MEIKIN: variants seen among roughly 807,000 people sequenced by gnomAD.
The protein encoded by MEIKIN is meiotic kinetochore factor.
At chr5:131,895,374 C>G (rs1276824686) in intron 8 of MEIKIN, among the ~76,000 whole-genome samples, 1 of 152,118 alleles carries the variant, frequency 6.6e-6, no homozygotes, top group Non-Finnish European at 1.5e-5. Flanking sequence ...CTCTGCCAGG[C>G]TTTGGTATCA....
At chr5:131,822,695 TAACTC>T (rs1258568043) in intron 11 of MEIKIN, among the ~76,000 whole-genome samples, 2 of 152,224 alleles carry the variant, frequency 1.3e-5, no homozygotes, top group African/African-American at 4.8e-5. Flanking sequence ...TGTTTCTACT[TAACTC>T]AAGAGAAGTT....
chr5:131,850,082 T>A (rs140625754), intron 11 of MEIKIN, among the ~76,000 whole-genome samples: 2 of 150,018 alleles, frequency 1.3e-5, no homozygotes, highest in African/African-American at 4.9e-5. Flanking sequence ...TAAATTACAA[T>A]TCAATTCATA....
chr5:131,836,707 GTGTC>G (rs1171757134), intron 11 of MEIKIN, among the ~76,000 whole-genome samples: 2 of 149,374 alleles, frequency 1.3e-5, no homozygotes, highest in African/African-American at 4.9e-5. Context: ...CTTCTTAAAA[GTGTC>G]TGTGCATGTC....
At chr5:131,924,998 T>G (rs993261652) in intron 5 of MEIKIN, among the ~76,000 whole-genome samples, 1 of 152,232 alleles carries the variant, frequency 6.6e-6, no homozygotes, top group Non-Finnish European at 1.5e-5. Context: ...AATTTTTGTG[T>G]ATGGGTGTCA....
chr5:131,826,845 G>A, intron 11 of MEIKIN, among the ~76,000 whole-genome samples: 1 of 152,152 alleles, frequency 6.6e-6, no homozygotes. Flanking sequence ...AGAACAGTGA[G>A]TCAATTAAAC....
rs147035812 is a variant in MEIKIN, at chr5:131,835,531, G to A, written c.975+15733C>T. 1.0e-3 allele frequency among the ~76,000 whole-genome samples: 158 copies of A among 152,008 alleles called. 1 individual carries two copies. Among genetic ancestry groups the A allele is most frequent in the African/African-American group, 3.6e-3 (151 of 41,502 alleles). ...CATTTAAGTCTTTAATCCATTTTGA[G>A]TTAATTTTTCTATATGGTGTACTTC... On this transcript the variant is annotated intron_variant, in intron 11 of 12. Coordinates refer to ENST00000442687, the MANE Select transcript of MEIKIN (RefSeq NM_001303622.2).
At chr5:131,913,400 C>G (rs574313054) in intron 7 of MEIKIN, among the ~76,000 whole-genome samples, 1 of 152,310 alleles carries the variant, frequency 6.6e-6, no homozygotes, top group Admixed American at 6.5e-5. Context: ...TTCCAAAGCA[C>G]CTAACAGACC....
intron 4 of MEIKIN, among the ~76,000 whole-genome samples, chr5:131,934,499 C>A (rs1478002250): frequency 2.6e-5 from 4 of 152,016 alleles, no homozygotes; most frequent in African/African-American, 9.7e-5. Context: ...TGTGCTGGAA[C>A]AACTAGGTAT....
chr5:131,945,067 G>C (rs1161306167), intron 2 of MEIKIN, 89 bp downstream of exon 2: 1 of 398,824 alleles, frequency 2.5e-6, no homozygotes, highest in Non-Finnish European at 4.4e-6. Context: ...CTCCTTGACT[G>C]TTAGAATAAA....
At chr5:131,910,284 T>G (rs898354554) in intron 8 of MEIKIN, among the ~76,000 whole-genome samples, 1 of 152,118 alleles carries the variant, frequency 6.6e-6, no homozygotes, top group Non-Finnish European at 1.5e-5. Context: ...TGAATGAAAC[T>G]GAAGGTCATT....
chr5:131,901,904 T>G (rs1158247630), intron 8 of MEIKIN, among the ~76,000 whole-genome samples: 1 of 152,130 alleles, frequency 6.6e-6, no homozygotes, highest in Non-Finnish European at 1.5e-5. Context: ...GTCATGAGAT[T>G]TAGAAGTGGG....
Position 131,895,652 on chromosome 5 carries a change from A to C in MEIKIN, c.703+16163T>G, listed in dbSNP as rs545110794. Among the ~76,000 whole-genome samples, 173 of 152,124 alleles carry C rather than the reference A, an allele frequency of 1.1e-3. 5 individuals carry two copies. Among genetic ancestry groups the C allele is most frequent in the Non-Finnish European group, 1.0e-3 (69 of 67,956 alleles). Reference sequence around the variant, plus strand: ...GTGTCCAGGAATTTATCCATTTCTTATAGATTTTCTAGTTTATTTGCATAG... The same window carrying C: ...GTGTCCAGGAATTTATCCATTTCTTCTAGATTTTCTAGTTTATTTGCATAG... On this transcript the variant is annotated intron_variant, in intron 8 of 12. Coordinates refer to ENST00000442687, the MANE Select transcript of MEIKIN (RefSeq NM_001303622.2).
intron 6 of MEIKIN, among the ~76,000 whole-genome samples, chr5:131,919,335 A>G (rs1051257300): frequency 2.0e-5 from 3 of 152,188 alleles, no homozygotes; most frequent in Non-Finnish European, 2.9e-5. Context: ...CAATAAAATG[A>G]TATATGCACT....
At chr5:131,885,355 G>A (rs1485218973) in intron 8 of MEIKIN, among the ~76,000 whole-genome samples, 1 of 10,300 alleles carries the variant, frequency 9.7e-5, no homozygotes, top group Non-Finnish European at 2.4e-4. Flanking sequence ...GAGAGAGAGA[G>A]AGAGAGAGAG....
chr5:131,885,341 AAGAG>A (rs57363906), intron 8 of MEIKIN, among the ~76,000 whole-genome samples: 1 of 61,956 alleles, frequency 1.6e-5, no homozygotes, highest in Non-Finnish European at 2.7e-5. Flanking sequence ...TCAGAACTGA[AAGAG>A]AGAGAGAGAG....
intron 5 of MEIKIN, among the ~76,000 whole-genome samples, chr5:131,931,600 A>T (rs1367081283): frequency 2.0e-5 from 3 of 152,120 alleles, no homozygotes; most frequent in Non-Finnish European, 2.9e-5. Flanking sequence ...GTTTCCTCTC[A>T]ACTGTATGAT....
At chr5:131,855,474 A>C (rs995529258) in intron 9 of MEIKIN, among the ~76,000 whole-genome samples, 8 of 152,026 alleles carry the variant, frequency 5.3e-5, no homozygotes, top group African/African-American at 1.9e-4. Context: ...AGAAACAGAC[A>C]AGATACAAGA....
chr5:131,859,197 G>A (rs886214987), intron 9 of MEIKIN, among the ~76,000 whole-genome samples: 7 of 152,168 alleles, frequency 4.6e-5, no homozygotes, highest in African/African-American at 1.7e-4. Flanking sequence ...ATGGTAGACT[G>A]GATAAAGAAA....
At chr5:131,842,520 T>C (rs1157857335) in intron 11 of MEIKIN, among the ~76,000 whole-genome samples, 1 of 152,198 alleles carries the variant, frequency 6.6e-6, no homozygotes, top group Admixed American at 6.5e-5. Context: ...AATTTTGGAT[T>C]TTGTCAATGG....
Sources: allele counts gnomAD v4.1 joint callset (sites outside exome capture counted in the v4.1 genomes callset), GRCh38; gene constraint gnomAD v4.1.1; transcripts MANE v1.5; gene names NCBI Gene and HGNC (gene_info 2026-07-23, HGNC 2026-07-21).